SGCZ: variants seen among roughly 807,000 people sequenced by gnomAD.
SGCZ encodes sarcoglycan zeta.
SGCZ carries 40 observed loss-of-function variants against 41.3 expected under a neutral mutation model. The ratio of observed to expected loss-of-function variants is 0.97; its 90% CI spans 0.75 to 1.26. SGCZ has a LOEUF of 1.26. Ranked by LOEUF, SGCZ falls within the 50% of genes most tolerant of loss-of-function variation. SGCZ has a pLI of 0.00. For missense variants in SGCZ, 552 were observed against 369.8 expected (o/e 1.49, Z -4.04); for synonymous variants, 206 against 137.5 (o/e 1.50, Z -3.49).
chr8:14,844,943 A>T lies in SGCZ; in HGVS notation c.40-290017T>A, dbSNP rs552817795. The stretch of plus-strand genomic sequence containing the variant: ...ATGCAGGGAGGGAATACCCAGGCAG[A>T]GCCCAGGAGGTTCTCTGAGTTGACA... On this transcript the variant is annotated intron_variant, in intron 1 of 7. Transcript: ENST00000382080. 2.8e-4 allele frequency among the ~76,000 whole-genome samples: 43 copies of T among 152,308 alleles called. 1 individual carries two copies. The South Asian group carries it at 4.6e-3, about 16-fold the overall frequency.
chr8:14,898,442 T>C (rs1585360331), intron 1 of SGCZ, among the ~76,000 whole-genome samples: 1 of 152,144 alleles, frequency 6.6e-6, no homozygotes, highest in African/African-American at 2.4e-5. Context: ...GTTGGGAGGG[T>C]CACAGGTAAG....
At chr8:15,230,788 T>G (rs1313846567) in intron 1 of SGCZ, among the ~76,000 whole-genome samples, 1 of 152,206 alleles carries the variant, frequency 6.6e-6, no homozygotes, top group Non-Finnish European at 1.5e-5. Flanking sequence ...TCCCTTTCAC[T>G]GCAGTTAAAT....
At chr8:15,235,799 T>C (rs980523523) in intron 1 of SGCZ, among the ~76,000 whole-genome samples, 106 of 152,212 alleles carry the variant, frequency 7.0e-4, no homozygotes, top group African/African-American at 2.5e-3. Context: ...TTCTGTGTCA[T>C]ACCCTAAAGT....
chr8:14,549,225 T>C (rs1803725263), intron 2 of SGCZ, among the ~76,000 whole-genome samples: 1 of 151,996 alleles, frequency 6.6e-6, no homozygotes, highest in Non-Finnish European at 1.5e-5. Flanking sequence ...CAGACAGAGC[T>C]AGTAAATGGA....
At chr8:14,401,191 T>G (rs1265317476) in intron 2 of SGCZ, among the ~76,000 whole-genome samples, 3 of 152,130 alleles carry the variant, frequency 2.0e-5, no homozygotes, top group African/African-American at 2.4e-5. Flanking sequence ...TTTCTTACCT[T>G]TCTTTGCATT....
At chr8:14,658,252 A>G (rs756380461) in intron 1 of SGCZ, among the ~76,000 whole-genome samples, 2 of 152,134 alleles carry the variant, frequency 1.3e-5, no homozygotes, top group Non-Finnish European at 2.9e-5. Flanking sequence ...TTTCAGCTCT[A>G]TCATTCAGAT....
intron 4 of SGCZ, among the ~76,000 whole-genome samples, chr8:14,175,048 C>T (rs190080367): frequency 3.7e-4 from 56 of 152,210 alleles, no homozygotes; most frequent in African/African-American, 1.3e-3. Flanking sequence ...AATAAGGATA[C>T]ATTCTGGTAC....
intron 2 of SGCZ, among the ~76,000 whole-genome samples, chr8:14,329,638 T>C (rs1418922524): frequency 2.6e-5 from 4 of 152,132 alleles, no homozygotes; most frequent in Non-Finnish European, 2.9e-5. Flanking sequence ...TATAGATCTG[T>C]GTCCTCCATT....
intron 1 of SGCZ, among the ~76,000 whole-genome samples, chr8:15,184,947 T>C (rs148794343): frequency 7.6e-4 from 116 of 152,288 alleles, no homozygotes; most frequent in African/African-American, 2.5e-3. Context: ...AAATGGAGAC[T>C]GTAACTGGGG....
At chr8:14,146,890 A>AAAAAAAAAAAATAATAATAATAAT (rs1182329393) in intron 5 of SGCZ, among the ~76,000 whole-genome samples, 2 of 116,184 alleles carry the variant, frequency 1.7e-5, no homozygotes, top group African/African-American at 7.2e-5. Flanking sequence ...AAAATAAAAA[A>AAAAAAAAAAAATAATAATAATAAT]AATAATAATA....
intron 1 of SGCZ, among the ~76,000 whole-genome samples, chr8:14,937,705 T>A (rs1800129900): frequency 6.6e-6 from 1 of 152,140 alleles, no homozygotes; most frequent in Admixed American, 6.5e-5. Context: ...TAAATTACAA[T>A]TTTGTTTTAG....
In SGCZ at chr8:14,763,160, T is replaced by C. The variant is rs144904281; in HGVS notation, c.40-208234A>G. On this transcript the variant is annotated intron_variant, in intron 1 of 7. Coordinates refer to ENST00000382080, the MANE Select transcript of SGCZ (RefSeq NM_139167.4). ...CTGGTTGCCCTCTATAGTCAGATAC[T>C]GGTTAAAATAGTCTCAGAGACTGGC... 2.6e-5 allele frequency among the ~76,000 whole-genome samples: 4 copies of C among 152,308 alleles called. No individual in the cohort carries two copies. The East Asian group carries it at 7.7e-4, about 29-fold the overall frequency.
chr8:14,320,369 AT>A (rs1801877787), intron 3 of SGCZ, among the ~76,000 whole-genome samples: 1 of 151,770 alleles, frequency 6.6e-6, no homozygotes, highest in African/African-American at 2.4e-5. Context: ...GGAGATTAGC[AT>A]GTCATGTAAT....
chr8:14,377,741 C>G (rs1254433402), intron 2 of SGCZ, among the ~76,000 whole-genome samples: 2 of 151,262 alleles, frequency 1.3e-5, no homozygotes, highest in East Asian at 4.0e-4. Context: ...CATGTGATCT[C>G]ATTGTTCAAT....
intron 2 of SGCZ, among the ~76,000 whole-genome samples, chr8:14,490,593 A>T (rs1801814687): frequency 6.6e-6 from 1 of 152,208 alleles, no homozygotes; most frequent in African/African-American, 2.4e-5. Context: ...TTCATATGAT[A>T]TTAAAATTCA....
chr8:14,864,821 C>T (rs1283313236), intron 1 of SGCZ, among the ~76,000 whole-genome samples: 1 of 151,978 alleles, frequency 6.6e-6, no homozygotes, highest in Non-Finnish European at 1.5e-5. Flanking sequence ...CCTCCTTATC[C>T]TCATCAGTGT....
At chr8:14,826,537 T>G (rs1802326332) in intron 1 of SGCZ, among the ~76,000 whole-genome samples, 1 of 152,182 alleles carries the variant, frequency 6.6e-6, no homozygotes, top group Non-Finnish European at 1.5e-5. Context: ...TGAACTAGTT[T>G]ACAGTCCCAC....
chr8:14,396,656 G>A (rs193020933), intron 2 of SGCZ, among the ~76,000 whole-genome samples: 9 of 151,968 alleles, frequency 5.9e-5, no homozygotes, highest in Admixed American at 2.0e-4. Context: ...CTAATATAAC[G>A]ACTGATTATT....
At chr8:14,446,884 A>G (rs191861815) in intron 2 of SGCZ, among the ~76,000 whole-genome samples, 2 of 152,344 alleles carry the variant, frequency 1.3e-5, no homozygotes, top group Admixed American at 6.5e-5. Flanking sequence ...AGGAGATTAT[A>G]GCAGATCAAT....
Sources: allele counts gnomAD v4.1 joint callset (sites outside exome capture counted in the v4.1 genomes callset), GRCh38; gene constraint gnomAD v4.1.1; transcripts MANE v1.5; gene names NCBI Gene and HGNC (gene_info 2026-07-23, HGNC 2026-07-21).